The following LARGE1 variants were observed in gnomAD, a reference collection of about 807,000 sequenced individuals.
LARGE1 encodes LARGE xylosyl- and glucuronyltransferase 1.
In LARGE1, 43 loss-of-function variants were observed where a neutral mutation model predicts 87.6. The ratio of observed to expected loss-of-function variants is 0.49; its 90% CI spans 0.38 to 0.63. The LOEUF is 0.63. Ranked by LOEUF, LARGE1 falls within the 30% of genes least tolerant of loss-of-function variation. LARGE1 has a pLI of 0.00. For missense variants in LARGE1, 802 were observed against 1,000.2 expected (o/e 0.80, Z 2.67); for synonymous variants, 434 against 394.6 (o/e 1.10, Z -1.18).
At chr22:33,189,162 T>G (rs139509979) in intron 11 of LARGE1, among the ~76,000 whole-genome samples, 252 of 152,134 alleles carry the variant, frequency 1.7e-3, no homozygotes, top group Non-Finnish European at 2.7e-3. Flanking sequence ...TATTAACCTT[T>G]CTTCTCATTT....
chr22:33,202,689 C>T (rs1157056508), intron 11 of LARGE1, among the ~76,000 whole-genome samples: 1 of 152,132 alleles, frequency 6.6e-6, no homozygotes, highest in African/African-American at 2.4e-5. Flanking sequence ...CCTTGACTTC[C>T]CCAAGGTCTT....
At chr22:33,916,083 C>A (rs2065778123) in intron 1 of LARGE1, among the ~76,000 whole-genome samples, 1 of 152,078 alleles carries the variant, frequency 6.6e-6, no homozygotes, top group Non-Finnish European at 1.5e-5. Flanking sequence ...GAGTTCTAGA[C>A]CAGCCTGGCG....
chr22:33,529,002 G>A (rs764725400), intron 6 of LARGE1, among the ~76,000 whole-genome samples: 2 of 151,970 alleles, frequency 1.3e-5, no homozygotes, highest in Non-Finnish European at 2.9e-5. Context: ...TCTTTTATAG[G>A]AGAGAAACTC....
At chr22:33,890,430 G>A (rs767430286) in intron 1 of LARGE1, among the ~76,000 whole-genome samples, 32 of 151,724 alleles carry the variant, frequency 2.1e-4, no homozygotes, top group East Asian at 9.7e-4. Flanking sequence ...AAATTAACCC[G>A]CACAGCAATT....
At chr22:33,072,404 A>G in the LARGE1 span, among the ~76,000 whole-genome samples, 2 of 152,162 alleles carry the variant, frequency 1.3e-5, no homozygotes, top group African/African-American at 4.8e-5. Flanking sequence ...AAAAAGAATA[A>G]AAAGGCCCTG....
chr22:33,898,720 CTCCA>C (rs1196920607), intron 1 of LARGE1, among the ~76,000 whole-genome samples: 1 of 152,168 alleles, frequency 6.6e-6, no homozygotes, highest in Non-Finnish European at 1.5e-5. Flanking sequence ...TGCCATTGCA[CTCCA>C]GCCTGGGCAA....
At chr22:33,568,812 G>C (rs967101941) in intron 5 of LARGE1, among the ~76,000 whole-genome samples, 1 of 149,106 alleles carries the variant, frequency 6.7e-6, no homozygotes, top group African/African-American at 2.4e-5. Flanking sequence ...TATATAATAG[G>C]TACAAAACAC....
chr22:33,089,324 C>T, the LARGE1 span, among the ~76,000 whole-genome samples: 4,100 of 32,076 alleles, frequency 0.13, 81 homozygotes, highest in Middle Eastern at 0.21. Flanking sequence ...TTTCTTCTTT[C>T]TTCTTCTTCT....
the LARGE1 span, among the ~76,000 whole-genome samples, chr22:33,138,928 A>C: frequency 3.9e-5 from 6 of 152,174 alleles, no homozygotes; most frequent in Non-Finnish European, 5.9e-5. Flanking sequence ...TGGGAGGGAC[A>C]CAATGGGAGG....
intron 11 of LARGE1, among the ~76,000 whole-genome samples, chr22:33,234,057 A>T (rs992194777): frequency 2.0e-5 from 3 of 152,258 alleles, no homozygotes; most frequent in Non-Finnish European, 2.9e-5. Context: ...GGCTGCAGTA[A>T]CAGCCTTCAT....
chr22:33,852,233 C>A (rs1425585995), intron 1 of LARGE1, among the ~76,000 whole-genome samples: 1 of 152,026 alleles, frequency 6.6e-6, no homozygotes, highest in Non-Finnish European at 1.5e-5. Context: ...TGATGTGAGC[C>A]AACGTTGAAA....
chr22:33,519,821 T>C (rs1016648511), intron 6 of LARGE1, among the ~76,000 whole-genome samples: 3 of 152,136 alleles, frequency 2.0e-5, no homozygotes, highest in Admixed American at 6.5e-5. Flanking sequence ...TTTATGACGC[T>C]GGGTAAAAAG....
At position 33,492,635 on chromosome 22, in the gene LARGE1, CA is replaced by C. The variant is rs1397573926; in HGVS notation, c.788-60371del. Among the ~76,000 whole-genome samples, 8 of 152,316 alleles carry C rather than the reference CA, an allele frequency of 5.3e-5. No individual in the cohort carries two copies. The East Asian group carries it at 1.5e-3, about 29-fold the overall frequency. On this transcript the variant is annotated intron_variant, in intron 6 of 14. Transcript: ENST00000397394. The stretch of plus-strand genomic sequence containing the variant: ...AGCTTTGCAAATTCTTTCACTTACA[CA>C]ATTCCTAAGAGCCCTTGAGAACGAA...
At chr22:33,830,892 C>G (rs913525499) in intron 1 of LARGE1, among the ~76,000 whole-genome samples, 1 of 152,122 alleles carries the variant, frequency 6.6e-6, no homozygotes, top group Non-Finnish European at 1.5e-5. Flanking sequence ...TCTGAGGTCT[C>G]TTTATATAAA....
At chr22:33,625,012 T>C (rs911320336) in intron 4 of LARGE1, among the ~76,000 whole-genome samples, 1 of 152,188 alleles carries the variant, frequency 6.6e-6, no homozygotes, top group Non-Finnish European at 1.5e-5. Flanking sequence ...TTGGTAGGTC[T>C]TGAAGCCCAC....
At chr22:33,384,115 A>C (rs2065246992) in intron 8 of LARGE1, 77 bp downstream of exon 8, 4 of 1,018,492 alleles carry the variant, frequency 3.9e-6, no homozygotes, top group Non-Finnish European at 6.3e-6. Flanking sequence ...ATTCAGATCG[A>C]TTTAATTTTA....
chr22:33,268,965 T>C (rs1928102434), downstream of LARGE1, among the ~76,000 whole-genome samples: 1 of 152,204 alleles, frequency 6.6e-6, no homozygotes, highest in Non-Finnish European at 1.5e-5. Context: ...AAAAATTACA[T>C]ATGCATACAG....
At chr22:33,375,165 T>C (rs971102976) in intron 9 of LARGE1, among the ~76,000 whole-genome samples, 9 of 152,234 alleles carry the variant, frequency 5.9e-5, no homozygotes, top group African/African-American at 2.2e-4. Flanking sequence ...ACACTGTTAG[T>C]TCTTCACTTA....
At chr22:33,661,394 A>G (rs1199717629) in intron 2 of LARGE1, among the ~76,000 whole-genome samples, 1 of 151,742 alleles carries the variant, frequency 6.6e-6, no homozygotes, top group Non-Finnish European at 1.5e-5. Context: ...TTGCATTTTT[A>G]GTAGAGACGG....
Sources: gnomAD v4.1 joint callset for allele counts (sites outside exome capture counted in the v4.1 genomes callset) on GRCh38, gnomAD v4.1.1 for gene constraint, MANE v1.5 for transcripts, NCBI Gene and HGNC (gene_info 2026-07-23, HGNC 2026-07-21) for gene names.